The following EDN1 variants were observed in gnomAD, a reference collection of about 807,000 sequenced individuals.
EDN1 encodes the protein endothelin 1, also known as endothelin-1.
Under a neutral mutation model 21.7 loss-of-function variants are expected in EDN1, and 11 were observed. The observed-to-expected ratio is 0.51, with a 90% CI of 0.32 to 0.84. The LOEUF (loss-of-function observed/expected upper bound fraction) is 0.84, where lower values mean the gene tolerates loss of function less well. Among genes scored for constraint, EDN1 ranks in the 40% least tolerant of loss-of-function variants. The probability of loss-of-function intolerance (pLI) is 0.03; values close to 1 mark genes in which losing one functional copy is unlikely to be tolerated. For missense variants in EDN1, 244 were observed against 262.3 expected, an observed-to-expected ratio of 0.93 and a Z score of 0.48; for synonymous variants, 85 against 90.6, an observed-to-expected ratio of 0.94 and a Z score of 0.35.
the EDN1 span, among the ~76,000 whole-genome samples, chr6:12,283,185 CT>C: frequency 2.6e-5 from 4 of 152,190 alleles, no homozygotes; most frequent in Non-Finnish European, 5.9e-5. Context: ...AGTCATCTAA[CT>C]TTTGTCCTAC....
chr6:12,277,670 T>C, the EDN1 span, among the ~76,000 whole-genome samples: 6 of 152,340 alleles, frequency 3.9e-5, no homozygotes, highest in East Asian at 9.6e-4. Context: ...GGAAGAGTCG[T>C]ATATTACAAT....
At chr6:12,265,749 T>A in the EDN1 span, among the ~76,000 whole-genome samples, 4 of 152,376 alleles carry the variant, frequency 2.6e-5, no homozygotes, top group East Asian at 7.7e-4. Flanking sequence ...GTCTTAGTTA[T>A]ATGTGTTGTT....
At chr6:12,250,732 T>C in the EDN1 span, among the ~76,000 whole-genome samples, 3 of 152,082 alleles carry the variant, frequency 2.0e-5, no homozygotes, top group East Asian at 5.8e-4. Context: ...AATACACTTT[T>C]AAGAAAAAAA....
chr6:12,249,205 G>A, the EDN1 span, among the ~76,000 whole-genome samples: 1 of 152,260 alleles, frequency 6.6e-6, no homozygotes, highest in African/African-American at 2.4e-5. Flanking sequence ...ACTTGGAGTA[G>A]CAAGGATCTA....
the EDN1 span, among the ~76,000 whole-genome samples, chr6:12,250,117 C>T: frequency 4.9e-4 from 74 of 151,330 alleles, no homozygotes; most frequent in East Asian, 7.8e-3. Flanking sequence ...TATTCCTGAC[C>T]CATGCACTCT....
At chr6:12,293,569 G>T (rs1204157427) in intron 2 of EDN1, among the ~76,000 whole-genome samples, 1 of 152,176 alleles carries the variant, frequency 6.6e-6, no homozygotes, top group Non-Finnish European at 1.5e-5. Context: ...TTCCCACTGT[G>T]TACCCACAAA....
chr6:12,278,403 G>A, the EDN1 span, among the ~76,000 whole-genome samples: 5 of 152,028 alleles, frequency 3.3e-5, no homozygotes, highest in Admixed American at 1.3e-4. Flanking sequence ...TTCAGAAGAC[G>A]CGATATAATC....
the EDN1 span, among the ~76,000 whole-genome samples, chr6:12,258,533 G>T: frequency 6.7e-6 from 1 of 148,704 alleles, no homozygotes; most frequent in Admixed American, 6.7e-5. Flanking sequence ...TTTCATCAAA[G>T]GATTTATTTA....
the EDN1 span, among the ~76,000 whole-genome samples, chr6:12,262,598 A>C: frequency 1.3e-5 from 2 of 152,206 alleles, no homozygotes; most frequent in Admixed American, 6.5e-5. Context: ...AAGGCCGGGT[A>C]CGGCAGCTCA....
the EDN1 span, among the ~76,000 whole-genome samples, chr6:12,280,108 T>G: frequency 6.6e-6 from 1 of 152,204 alleles, no homozygotes; most frequent in Non-Finnish European, 1.5e-5. Flanking sequence ...AACATGGCTT[T>G]AATTTATCTG....
chr6:12,261,396 A>G, the EDN1 span, among the ~76,000 whole-genome samples: 1 of 152,232 alleles, frequency 6.6e-6, no homozygotes, highest in Admixed American at 6.5e-5. Flanking sequence ...TAATTGCTGT[A>G]GTGTGCCTGT....
At chr6:12,275,802 C>CGTGTGTGTGTGTGT in the EDN1 span, among the ~76,000 whole-genome samples, 1 of 147,162 alleles carries the variant, frequency 6.8e-6, no homozygotes, top group African/African-American at 2.5e-5. Flanking sequence ...TTGGGGGCAC[C>CGTGTGTGTGTGTGT]GTGTGTGTGT....
chr6:12,273,885 G>A, the EDN1 span, among the ~76,000 whole-genome samples: 1 of 152,082 alleles, frequency 6.6e-6, no homozygotes, highest in Non-Finnish European at 1.5e-5. Flanking sequence ...TGACCTTAAT[G>A]GGACATTTGA....
At chr6:12,279,443 A>T in the EDN1 span, among the ~76,000 whole-genome samples, 1 of 152,168 alleles carries the variant, frequency 6.6e-6, no homozygotes, top group African/African-American at 2.4e-5. Flanking sequence ...GAGCCAGAAG[A>T]TGAAGTGTTG....
At chr6:12,254,961 T>C in the EDN1 span, among the ~76,000 whole-genome samples, 22 of 152,136 alleles carry the variant, frequency 1.4e-4, no homozygotes, top group African/African-American at 5.3e-4. Context: ...CAGAAAGAAT[T>C]TGAAAAAGTA....
chr6:12,251,478 T>C, the EDN1 span, among the ~76,000 whole-genome samples: 1 of 152,236 alleles, frequency 6.6e-6, no homozygotes, highest in Non-Finnish European at 1.5e-5. Context: ...GTGTCTAAAA[T>C]GAGCACACTC....
the EDN1 span, among the ~76,000 whole-genome samples, chr6:12,239,645 G>A: frequency 3.7e-4 from 57 of 152,206 alleles, no homozygotes; most frequent in Admixed American, 1.2e-3. Context: ...GCAGTGACTC[G>A]CACCTCTAAT....
chr6:12,273,702 G>A, the EDN1 span, among the ~76,000 whole-genome samples: 1 of 144,882 alleles, frequency 6.9e-6, no homozygotes, highest in Non-Finnish European at 1.5e-5. Flanking sequence ...GTGTGAGCTA[G>A]CACCCCAATT....
At chr6:12,271,669 T>C in the EDN1 span, among the ~76,000 whole-genome samples, 2 of 152,246 alleles carry the variant, frequency 1.3e-5, no homozygotes, top group East Asian at 3.8e-4. Flanking sequence ...CCAGTGAGAT[T>C]AGACTTTCAT....
Sources: allele counts gnomAD v4.1 joint callset (sites outside exome capture counted in the v4.1 genomes callset), GRCh38; gene constraint gnomAD v4.1.1; transcripts MANE v1.5; gene names NCBI Gene and HGNC (gene_info 2026-07-23, HGNC 2026-07-21).